Variants in RAPGEF5 observed in about 807,000 individuals in gnomAD.
RAPGEF5 encodes the protein M-Ras-regulated GEF.
RAPGEF5 carries 65 observed loss-of-function variants against 125.2 expected under a neutral mutation model. The observed-to-expected ratio is 0.52, with a 90% CI of 0.43 to 0.64. The LOEUF (loss-of-function observed/expected upper bound fraction) is 0.64. RAPGEF5 is among the 30% of genes least tolerant of loss of function. The pLI, the probability that RAPGEF5 is intolerant of heterozygous loss-of-function variation, is 0.00. For synonymous variants in RAPGEF5, 391 were observed against 385.9 expected (o/e 1.01, Z -0.16); for missense variants, 958 against 1,048.1 (o/e 0.91, Z 1.19).
chr7:22,249,651 G>A (rs1338381521), intron 7 of RAPGEF5, among the ~76,000 whole-genome samples: 2 of 152,172 alleles, frequency 1.3e-5, no homozygotes, highest in Non-Finnish European at 2.9e-5. Context: ...GAGAAACACA[G>A]AAAGTTAGGC....
chr7:22,326,072 C>T (rs1783808676), intron 1 of RAPGEF5, among the ~76,000 whole-genome samples: 1 of 152,178 alleles, frequency 6.6e-6, no homozygotes, highest in South Asian at 2.1e-4. Context: ...TCTTTGGCAT[C>T]TGGATATAAA....
At chr7:22,145,967 CGTGTGTGTGTGTGTGTGT>C (rs71864981) in intron 19 of RAPGEF5, among the ~76,000 whole-genome samples, 4 of 143,884 alleles carry the variant, frequency 2.8e-5, no homozygotes, top group Admixed American at 7.0e-5. Flanking sequence ...TGTTTGTGTG[CGTGTGTGTGTGTGTGTGT>C]GTGTGTGTGT....
chr7:22,136,221 A>G (rs1783076324), intron 22 of RAPGEF5, 96 bp from the exon 23 acceptor site: 1 of 825,640 alleles, frequency 1.2e-6, no homozygotes, highest in South Asian at 2.0e-5. Context: ...AACATAACTT[A>G]GATATAGAGA....
intron 8 of RAPGEF5, among the ~76,000 whole-genome samples, chr7:22,229,055 G>C (rs1785993298): frequency 6.6e-6 from 1 of 152,116 alleles, no homozygotes; most frequent in Admixed American, 6.5e-5. Flanking sequence ...ACACCATGGG[G>C]ACAAAGACTT....
intron 5 of RAPGEF5, among the ~76,000 whole-genome samples, chr7:22,296,404 G>A (rs1198211049): frequency 2.0e-5 from 3 of 152,152 alleles, no homozygotes; most frequent in Non-Finnish European, 4.4e-5. Context: ...GGGGGAAGAT[G>A]TGGGAAATAA....
At chr7:22,303,568 C>G (rs1477585806) in intron 5 of RAPGEF5, among the ~76,000 whole-genome samples, 1 of 152,128 alleles carries the variant, frequency 6.6e-6, no homozygotes, top group Non-Finnish European at 1.5e-5. Context: ...ACTTAGAAGA[C>G]AGCAAATTAG....
At chr7:22,317,301 TGC>T (rs952768223) in intron 2 of RAPGEF5, among the ~76,000 whole-genome samples, 2 of 149,820 alleles carry the variant, frequency 1.3e-5, no homozygotes, top group African/African-American at 4.9e-5. Context: ...AGTGCAGTGG[TGC>T]GATCTCAGCT....
chr7:22,283,305 C>T (rs918593443), intron 6 of RAPGEF5, among the ~76,000 whole-genome samples: 1 of 152,164 alleles, frequency 6.6e-6, no homozygotes, highest in Non-Finnish European at 1.5e-5. Flanking sequence ...ACTATTTCCA[C>T]CCAGTATCCA....
At chr7:22,220,646 T>C (rs1229284583) in intron 8 of RAPGEF5, among the ~76,000 whole-genome samples, 4 of 151,950 alleles carry the variant, frequency 2.6e-5, no homozygotes, top group African/African-American at 9.7e-5. Context: ...TAAAGCATCA[T>C]ATTTTACATT....
intron 7 of RAPGEF5, among the ~76,000 whole-genome samples, chr7:22,254,073 T>C (rs1327299670): frequency 2.0e-5 from 3 of 152,224 alleles, no homozygotes; most frequent in Non-Finnish European, 4.4e-5. Flanking sequence ...TATGAATATC[T>C]TGTCTTTGGA....
chr7:22,186,155 C>T (rs1381003634), intron 11 of RAPGEF5, among the ~76,000 whole-genome samples: 3 of 152,148 alleles, frequency 2.0e-5, no homozygotes, highest in African/African-American at 7.2e-5. Flanking sequence ...GCAGCCCAGT[C>T]CAGTTACTTG....
At chr7:22,141,221 T>A (rs1783249619) in intron 20 of RAPGEF5, among the ~76,000 whole-genome samples, 1 of 152,246 alleles carries the variant, frequency 6.6e-6, no homozygotes, top group Non-Finnish European at 1.5e-5. Flanking sequence ...GATTTTCAAT[T>A]TTCCCAGTTA....
chr7:22,323,863 C>T (rs1229036811), intron 1 of RAPGEF5, among the ~76,000 whole-genome samples: 1 of 152,128 alleles, frequency 6.6e-6, no homozygotes, highest in South Asian at 2.1e-4. Context: ...AAGGACAGCC[C>T]TTCCTCATGG....
chr7:22,271,835 C>G (rs900621388), intron 6 of RAPGEF5, among the ~76,000 whole-genome samples: 2 of 152,304 alleles, frequency 1.3e-5, no homozygotes, highest in African/African-American at 4.8e-5. Context: ...AGTCTTATGT[C>G]CAGCATTCTG....
chr7:22,156,677 G>A, intron 16 of RAPGEF5, 133 bp downstream of exon 16: 1 of 1,405,912 alleles, frequency 7.1e-7, no homozygotes, highest in Non-Finnish European at 9.6e-7. Flanking sequence ...AAACCATGCT[G>A]TTTGAGGCTA....
At chr7:22,152,313 C>T (rs949577811) in intron 17 of RAPGEF5, among the ~76,000 whole-genome samples, 1 of 152,156 alleles carries the variant, frequency 6.6e-6, no homozygotes, top group Non-Finnish European at 1.5e-5. Flanking sequence ...GTTCCATCTG[C>T]TCCTTCTTTG....
chr7:22,145,117 T>C lies in RAPGEF5; in HGVS notation c.2113A>G (p.Thr705Ala). 6.2e-7 allele frequency: 1 copy of C among 1,613,898 alleles called. No individual in the cohort carries two copies. The highest frequency in any genetic ancestry group is 8.5e-7 in the Non-Finnish European group (1 of 1,179,830). ...AGCTGGCTGCAGAGCAGAATCTCCG[T>C]GGCCACCCAAAGCTGGACCTCATTG... ...RCNEVQLWVA[T>A]EILLCSQLGK... is the part of the protein sequence containing the mutation. Residue 705 changes from threonine to alanine, a missense_variant, in exon 20 of 26, where the codon ACG (threonine) becomes GCG (alanine). By Grantham distance (58) the Thr-to-Ala change is moderately conservative. Transcript: ENST00000665637.
At chr7:22,189,827 C>A (rs914671186) in intron 11 of RAPGEF5, among the ~76,000 whole-genome samples, 2 of 152,136 alleles carry the variant, frequency 1.3e-5, no homozygotes, top group African/African-American at 4.8e-5. Context: ...TTCATTGCTG[C>A]TTGCTCTCAG....
chr7:22,316,350 TATAGATAG>T (rs55885957), intron 2 of RAPGEF5, among the ~76,000 whole-genome samples: 19,820 of 145,020 alleles, frequency 0.14, 1,393 homozygotes, highest in Middle Eastern at 0.22. Flanking sequence ...GTATCTACTA[TATAGATAG>T]ATAGATAGAT....
Sources: allele counts gnomAD v4.1 joint callset (sites outside exome capture counted in the v4.1 genomes callset), GRCh38; gene constraint gnomAD v4.1.1; transcripts MANE v1.5; gene names NCBI Gene and HGNC (gene_info 2026-07-23, HGNC 2026-07-21).